Variants in MYO18B observed in about 807,000 individuals in gnomAD.
MYO18B encodes the protein myosin XVIIIB.
MYO18B carries 204 observed loss-of-function variants against 273.0 expected under a neutral mutation model. The ratio of observed to expected loss-of-function variants is 0.75; its 90% CI spans 0.67 to 0.84. MYO18B has a LOEUF of 0.84. Ranked by LOEUF, MYO18B falls within the 40% of genes least tolerant of loss-of-function variation. The pLI is 0.00. For synonymous variants in MYO18B, 1,330 were observed against 1,305.7 expected (o/e 1.02, Z -0.40); for missense variants, 3,212 against 3,287.6 (o/e 0.98, Z 0.56).
intron 37 of MYO18B, 98 bp downstream of exon 37, chr22:25,950,548 G>GTGTA: frequency 1.3e-6 from 1 of 743,498 alleles, no homozygotes; most frequent in Non-Finnish European, 2.1e-6. Flanking sequence ...GTGTGTGTGT[G>GTGTA]TGTATGAGTT....
At chr22:26,062,533 T>G in the MYO18B span, among the ~76,000 whole-genome samples, 3 of 152,184 alleles carry the variant, frequency 2.0e-5, no homozygotes, top group Admixed American at 1.3e-4. Context: ...CTGGACCCAG[T>G]CAAGTCGGAA....
At chr22:25,800,017 A>G (rs2088119539) in intron 12 of MYO18B, among the ~76,000 whole-genome samples, 1 of 152,128 alleles carries the variant, frequency 6.6e-6, no homozygotes, top group Non-Finnish European at 1.5e-5. Context: ...CATAAAGATG[A>G]GATGAAATAA....
intron 25 of MYO18B, among the ~76,000 whole-genome samples, chr22:25,878,336 G>T (rs549423205): frequency 6.6e-6 from 1 of 151,936 alleles, no homozygotes; most frequent in Admixed American, 6.6e-5. Flanking sequence ...AGTCACAAAA[G>T]CACAAATCAT....
intron 1 of MYO18B, among the ~76,000 whole-genome samples, chr22:25,760,524 T>C (rs1316057366): frequency 1.3e-5 from 2 of 151,998 alleles, no homozygotes; most frequent in Non-Finnish European, 2.9e-5. Flanking sequence ...TACTTTTTGA[T>C]CAAGCTACAA....
At chr22:26,041,201 G>A in the MYO18B span, among the ~76,000 whole-genome samples, 58 of 151,652 alleles carry the variant, frequency 3.8e-4, no homozygotes, top group African/African-American at 1.3e-3. Context: ...TTTTATGTGC[G>A]GTCCAAGACA....
intron 1 of MYO18B, among the ~76,000 whole-genome samples, chr22:25,748,415 G>A (rs921658324): frequency 2.0e-5 from 3 of 152,118 alleles, no homozygotes; most frequent in South Asian, 2.1e-4. Flanking sequence ...AGGGCCTTTC[G>A]GAGCTCTGGT....
At chr22:25,900,684 T>C (rs2091914521) in intron 29 of MYO18B, 1 of 152,420 alleles carries the variant, frequency 6.6e-6, no homozygotes, top group African/African-American at 2.4e-5. Flanking sequence ...CAAACCTATC[T>C]GGCCTCAGGC....
At chr22:25,813,242 T>TGGTGCAG (rs1173963306) in intron 12 of MYO18B, among the ~76,000 whole-genome samples, 2 of 147,088 alleles carry the variant, frequency 1.4e-5, no homozygotes, top group African/African-American at 5.0e-5. Flanking sequence ...TGGAGTGCAA[T>TGGTGCAG]GGTGCAGTCT....
intron 42 of MYO18B, among the ~76,000 whole-genome samples, chr22:26,015,660 G>T (rs1159939029): frequency 1.3e-5 from 2 of 152,138 alleles, no homozygotes; most frequent in East Asian, 3.9e-4. Context: ...GAAGGTGGAG[G>T]GTGGGAGGAG....
At chr22:25,881,224 C>G (rs936050703) in intron 25 of MYO18B, among the ~76,000 whole-genome samples, 1 of 152,232 alleles carries the variant, frequency 6.6e-6, no homozygotes, top group Non-Finnish European at 1.5e-5. Flanking sequence ...TCCATTCTCC[C>G]CACATTAAAG....
At position 26,027,152 on chromosome 22, in the gene MYO18B, A is replaced by T. The variant is rs781700489; in HGVS notation, c.7178A>T (p.Asp2393Val). 6.2e-7 allele frequency: 1 copy of T among 1,613,976 alleles called. No homozygotes were observed. Among genetic ancestry groups the T allele is most frequent in the Admixed American group, 1.7e-5 (1 of 60,024 alleles). ...CGGTGTCTGGAGTCCTCTGTGGACG[A>T]TGCGGGCTGTCCAGACCTTGGAAAG... ...RRRCLESSVD[D>V]AGCPDLGKEP... Residue 2393 changes from aspartate to valine, a missense_variant, in exon 43 of 44, where the codon GAT (aspartate) becomes GTT (valine). By Grantham distance (152) the Asp-to-Val change is radical. Coordinates refer to ENST00000335473, the MANE Select transcript of MYO18B (RefSeq NM_032608.7). The surrounding 1 kb of genome is among the most constrained non-coding windows in gnomAD (Gnocchi z 4.1).
intron 33 of MYO18B, among the ~76,000 whole-genome samples, chr22:25,916,087 A>G (rs1030180759): frequency 1.3e-5 from 2 of 152,196 alleles, no homozygotes; most frequent in African/African-American, 4.8e-5. Flanking sequence ...TAATGTTTCT[A>G]GACATTTATT....
intron 5 of MYO18B, among the ~76,000 whole-genome samples, chr22:25,770,557 G>A (rs1475993312): frequency 1.3e-5 from 2 of 152,146 alleles, no homozygotes; most frequent in Non-Finnish European, 2.9e-5. Flanking sequence ...TGTCTGCCAT[G>A]GGCACTGGAG....
At chr22:25,868,064 G>C (rs967693346) in intron 21 of MYO18B, among the ~76,000 whole-genome samples, 1 of 152,128 alleles carries the variant, frequency 6.6e-6, no homozygotes, top group African/African-American at 2.4e-5. Flanking sequence ...ATTTCATTTC[G>C]TATCTTTGGT....
At chr22:25,963,662 G>A (rs953731485) in intron 39 of MYO18B, among the ~76,000 whole-genome samples, 1 of 151,032 alleles carries the variant, frequency 6.6e-6, no homozygotes, top group African/African-American at 2.4e-5. Context: ...CCCACTATAC[G>A]GTGGTTGAAA....
intron 20 of MYO18B, among the ~76,000 whole-genome samples, chr22:25,849,101 C>G (rs1175702860): frequency 6.6e-6 from 1 of 152,264 alleles, no homozygotes; most frequent in East Asian, 1.9e-4. Flanking sequence ...GGCTGGTCCC[C>G]CACACTTAAT....
intron 35 of MYO18B, among the ~76,000 whole-genome samples, chr22:25,946,634 G>C (rs2092715844): frequency 6.6e-6 from 1 of 152,214 alleles, no homozygotes; most frequent in Non-Finnish European, 1.5e-5. Context: ...ATGTGAGCTT[G>C]TTATTTGCTC....
the MYO18B span, among the ~76,000 whole-genome samples, chr22:26,038,424 G>A: frequency 6.7e-6 from 1 of 150,280 alleles, no homozygotes; most frequent in Non-Finnish European, 1.5e-5. Flanking sequence ...TCCATCTCAT[G>A]AGCCTTCTCA....
chr22:25,815,868 T>C (rs895671442), intron 12 of MYO18B, among the ~76,000 whole-genome samples: 1 of 152,196 alleles, frequency 6.6e-6, no homozygotes, highest in Admixed American at 6.5e-5. Flanking sequence ...CTGCTCATAG[T>C]CCCCAGAACA....
Sources: gnomAD v4.1 joint callset for allele counts (sites outside exome capture counted in the v4.1 genomes callset) on GRCh38, gnomAD v4.1.1 for gene constraint, Gnocchi (gnomAD v3.1) non-coding constraint, MANE v1.5 for transcripts, NCBI Gene and HGNC (gene_info 2026-07-23, HGNC 2026-07-21) for gene names.